OR2L13: variants seen among roughly 807,000 people sequenced by gnomAD.
OR2L13 encodes the protein olfactory receptor 2L13.
In OR2L13, 14 loss-of-function variants were observed where a neutral mutation model predicts 15.3. The ratio of observed to expected loss-of-function variants is 0.91; its 90% CI spans 0.60 to 1.43. OR2L13 has a LOEUF of 1.43. OR2L13 is among the 40% of genes most tolerant of loss of function. The pLI is 0.00. For synonymous variants in OR2L13, 152 were observed against 142.9 expected (o/e 1.06, Z -0.45); for missense variants, 367 against 387.9 (o/e 0.95, Z 0.45).
At chr1:248,092,886 A>G (rs1245053421), upstream of OR2L13, among the ~76,000 whole-genome samples, 1 of 152,194 alleles carries the variant, frequency 6.6e-6, no homozygotes, top group East Asian at 1.9e-4. Flanking sequence ...CAGAGCCTCC[A>G]AGGAGTATGA....
chr1:247,967,840 C>G, the OR2L13 span, among the ~76,000 whole-genome samples: 1 of 150,658 alleles, frequency 6.6e-6, no homozygotes, highest in African/African-American at 2.5e-5. Context: ...AGTTCTCCTC[C>G]TCTTCCTCCT....
At chr1:247,986,657 T>C in the OR2L13 span, among the ~76,000 whole-genome samples, 1 of 152,184 alleles carries the variant, frequency 6.6e-6, no homozygotes, top group African/African-American at 2.4e-5. Flanking sequence ...AGAAAGTCAT[T>C]GGTAGCTTGA....
At chr1:248,076,999 A>T in the OR2L13 span, among the ~76,000 whole-genome samples, 93 of 152,296 alleles carry the variant, frequency 6.1e-4, no homozygotes, top group East Asian at 0.013. Context: ...TGCTCTGATT[A>T]TTTTGAGATA....
At chr1:247,993,060 A>G in the OR2L13 span, among the ~76,000 whole-genome samples, 1 of 152,018 alleles carries the variant, frequency 6.6e-6, no homozygotes, top group Non-Finnish European at 1.5e-5. Flanking sequence ...TTTTAATTAT[A>G]GCCATAGTGA....
the OR2L13 span, among the ~76,000 whole-genome samples, chr1:248,053,801 G>A: frequency 2.0e-5 from 3 of 152,044 alleles, no homozygotes; most frequent in African/African-American, 7.2e-5. Flanking sequence ...ATTTTAATGG[G>A]GTTGTTTGTT....
At chr1:248,067,996 C>T in the OR2L13 span, among the ~76,000 whole-genome samples, 1 of 152,240 alleles carries the variant, frequency 6.6e-6, no homozygotes, top group Non-Finnish European at 1.5e-5. Flanking sequence ...AGGCGGGAAG[C>T]TCGAACTGGG....
the OR2L13 span, among the ~76,000 whole-genome samples, chr1:248,025,236 TCAAA>T: frequency 2.7e-5 from 4 of 146,302 alleles, no homozygotes; most frequent in Non-Finnish European, 5.9e-5. Context: ...TACAATGAAC[TCAAA>T]CAAATTTACA....
the OR2L13 span, among the ~76,000 whole-genome samples, chr1:248,005,915 T>C: frequency 6.6e-6 from 1 of 152,202 alleles, no homozygotes; most frequent in East Asian, 1.9e-4. Context: ...TTGTGCTTTG[T>C]TGCAATGAGC....
the OR2L13 span, chr1:247,975,213 A>G: frequency 6.0e-5 from 24 of 399,870 alleles, no homozygotes; most frequent in South Asian, 4.8e-4. Flanking sequence ...TTGTGCTCAC[A>G]TTTCATATAT....
At chr1:248,089,961 A>AT in the OR2L13 span, among the ~76,000 whole-genome samples, 4 of 152,046 alleles carry the variant, frequency 2.6e-5, no homozygotes, top group African/African-American at 4.8e-5. Flanking sequence ...GAGATGTCCC[A>AT]TTTTTTCAGG....
the OR2L13 span, among the ~76,000 whole-genome samples, chr1:248,043,953 G>T: frequency 6.6e-6 from 1 of 152,144 alleles, no homozygotes; most frequent in Non-Finnish European, 1.5e-5. Flanking sequence ...GAATGCCTTT[G>T]TTCTTAGGAT....
chr1:247,974,607 AGT>A, the OR2L13 span: 1 of 158,350 alleles, frequency 6.3e-6, no homozygotes, highest in African/African-American at 2.4e-5. Flanking sequence ...TAGTGGAAAT[AGT>A]GTATATGAGA....
exon 3 of OR2L13, chr1:248,100,213 C>T: frequency 6.2e-7 from 1 of 1,613,514 alleles, no homozygotes; most frequent in South Asian, 1.1e-5. Context: ...CTACACCATC[C>T]TTACCCCCAT....
chr1:248,014,362 A>T, the OR2L13 span, among the ~76,000 whole-genome samples: 1 of 152,152 alleles, frequency 6.6e-6, no homozygotes, highest in Non-Finnish European at 1.5e-5. Context: ...CTGGCAATAA[A>T]TAATTAAGGA....
the OR2L13 span, chr1:248,061,300 G>C: frequency 6.2e-7 from 1 of 1,612,534 alleles, no homozygotes. Flanking sequence ...CATCTTTCTC[G>C]TGTTTCCCTT....
At chr1:248,039,042 G>C in the OR2L13 span, 292,228 of 1,613,678 alleles carry the variant, frequency 0.18, 38,186 homozygotes, top group African/African-American at 0.69. Context: ...TTATACCTAT[G>C]TACGTCCAAG....
chr1:248,025,642 A>G, the OR2L13 span, among the ~76,000 whole-genome samples: 8 of 146,342 alleles, frequency 5.5e-5, no homozygotes, highest in African/African-American at 8.1e-5. Flanking sequence ...ATAAAGACAC[A>G]TGCACATGTA....
chr1:247,991,702 T>C, the OR2L13 span, among the ~76,000 whole-genome samples: 1 of 149,668 alleles, frequency 6.7e-6, no homozygotes, highest in Admixed American at 6.6e-5. Context: ...TGCACAATTT[T>C]ATTTCTACTT....
the OR2L13 span, among the ~76,000 whole-genome samples, chr1:247,988,388 T>C: frequency 2.0e-5 from 3 of 152,008 alleles, no homozygotes; most frequent in South Asian, 6.2e-4. Context: ...ACCTGTCACA[T>C]CCTTTTACAT....
Sources: gnomAD v4.1 joint callset for allele counts (sites outside exome capture counted in the v4.1 genomes callset) on GRCh38, gnomAD v4.1.1 for gene constraint, MANE v1.5 for transcripts, NCBI Gene and HGNC (gene_info 2026-07-23, HGNC 2026-07-21) for gene names.